ANGPT2: variants seen among roughly 807,000 people sequenced by gnomAD.
ANGPT2 encodes angiopoietin-2.
Under a neutral mutation model 62.9 loss-of-function variants are expected in ANGPT2, and 28 were observed. The observed-to-expected ratio is 0.44, with a 90% CI of 0.33 to 0.61. The LOEUF (loss-of-function observed/expected upper bound fraction) is 0.61, where lower values mean the gene tolerates loss of function less well. Ranked by LOEUF, ANGPT2 falls within the 20% of genes least tolerant of loss-of-function variation. ANGPT2 has a pLI of 0.03. For synonymous variants in ANGPT2, 284 were observed against 207.8 expected, an observed-to-expected ratio of 1.37 and a Z score of -3.15; for missense variants, 727 against 594.9, an observed-to-expected ratio of 1.22 and a Z score of -2.31.
chr8:6,525,264 T>A (rs1381849095), intron 3 of ANGPT2, among the ~76,000 whole-genome samples: 1 of 152,194 alleles, frequency 6.6e-6, no homozygotes, highest in Admixed American at 6.5e-5. Context: ...TGTAAATTAG[T>A]ATGTAATTTT....
At chr8:6,504,920 T>G (rs1287262713) in intron 8 of ANGPT2, among the ~76,000 whole-genome samples, 1 of 152,008 alleles carries the variant, frequency 6.6e-6, no homozygotes, top group Non-Finnish European at 1.5e-5. Context: ...AGGACTGCTG[T>G]AACCTTGATT....
chr8:6,509,476 G>T lies in ANGPT2; in HGVS notation c.1197-414C>A, dbSNP rs187466670. Among the ~76,000 whole-genome samples, 15 of 152,340 alleles carry T rather than the reference G, an allele frequency of 9.8e-5. No homozygotes were observed. In the East Asian group the frequency reaches 1.9e-3, roughly 20 times the overall value. On this transcript the variant is annotated intron_variant, in intron 7 of 8. Coordinates refer to ENST00000629816, the MANE Select transcript of ANGPT2 (RefSeq NM_001118887.2). ...CATTATTTTCCGCAGGGGGCCCCGG[G>T]GGGGATGGAGAATGCAGCAGACAAG...
intron 7 of ANGPT2, among the ~76,000 whole-genome samples, chr8:6,512,614 A>G (rs1815384732): frequency 6.6e-6 from 1 of 152,158 alleles, no homozygotes. Flanking sequence ...TTGCACACAC[A>G]TTTCGGAGTG....
intron 6 of ANGPT2, among the ~76,000 whole-genome samples, 178 bp downstream of exon 6, chr8:6,514,499 T>C (rs987038491): frequency 6.6e-6 from 1 of 152,204 alleles, no homozygotes; most frequent in African/African-American, 2.4e-5. Context: ...GCAGCTTTTG[T>C]TTTGATACAG....
chr8:6,560,974 T>G (rs1480928278), intron 1 of ANGPT2, among the ~76,000 whole-genome samples: 2 of 152,242 alleles, frequency 1.3e-5, no homozygotes. Context: ...TTTACTGCAG[T>G]GCATCTTTCA....
At chr8:6,539,426 C>T (rs765379815) in intron 1 of ANGPT2, among the ~76,000 whole-genome samples, 11 of 152,154 alleles carry the variant, frequency 7.2e-5, no homozygotes, top group Non-Finnish European at 1.6e-4. Context: ...AGCCTGGCCT[C>T]TGGTGCCAAT....
intron 2 of ANGPT2, among the ~76,000 whole-genome samples, chr8:6,531,623 A>G (rs1396706727): frequency 6.6e-6 from 1 of 152,078 alleles, no homozygotes; most frequent in Non-Finnish European, 1.5e-5. Flanking sequence ...TCTTTCTGTT[A>G]TTATTAATCA....
At chr8:6,539,191 G>T (rs73507141) in intron 1 of ANGPT2, among the ~76,000 whole-genome samples, 1 of 152,188 alleles carries the variant, frequency 6.6e-6, no homozygotes, top group Non-Finnish European at 1.5e-5. Flanking sequence ...CAGAGCCTGG[G>T]GGGTAGGCAC....
intron 8 of ANGPT2, among the ~76,000 whole-genome samples, chr8:6,504,662 A>C (rs1439632279): frequency 1.3e-5 from 2 of 152,186 alleles, no homozygotes; most frequent in African/African-American, 2.4e-5. Context: ...TGACTTAATA[A>C]GGAGAGAAAA....
chr8:6,512,253 G>T (rs917330863), intron 7 of ANGPT2, among the ~76,000 whole-genome samples: 2 of 152,112 alleles, frequency 1.3e-5, no homozygotes, highest in African/African-American at 2.4e-5. Flanking sequence ...GTTTTCAGTT[G>T]GTTGTTCAGG....
chr8:6,523,545 A>G (rs1334748617), intron 3 of ANGPT2, among the ~76,000 whole-genome samples: 1 of 152,202 alleles, frequency 6.6e-6, no homozygotes, highest in East Asian at 1.9e-4. Context: ...CCCAGGAACA[A>G]ACTCAAAGAC....
chr8:6,513,593 A>G (rs13278243), intron 7 of ANGPT2, 85 bp downstream of exon 7: 384,240 of 1,149,444 alleles, frequency 0.33, 65,578 homozygotes, highest in Middle Eastern at 0.44. Context: ...TCGGCCTCCC[A>G]AAGTGCTGGG....
intron 3 of ANGPT2, among the ~76,000 whole-genome samples, 164 bp downstream of exon 3, chr8:6,527,391 G>T (rs1818528710): frequency 6.6e-6 from 1 of 152,236 alleles, no homozygotes; most frequent in South Asian, 2.1e-4. Context: ...TGCCTGTGCA[G>T]GAATTTTCTC....
At chr8:6,528,191 C>T (rs1269900997) in intron 2 of ANGPT2, among the ~76,000 whole-genome samples, 1 of 152,206 alleles carries the variant, frequency 6.6e-6, no homozygotes, top group Admixed American at 6.5e-5. Context: ...AGCCACTGCA[C>T]CCGGCCGTTA....
chr8:6,509,024 A>G lies in ANGPT2; in HGVS notation c.1235T>C (p.Ile412Thr), dbSNP rs1814377147. ...LKGLTGTAGK[I>T]SSISQPGNDF... ...ATTTCCTGGTTGGCTGATGCTGCTT[A>G]TTTTGCCGGCTGTCCCTGTAAGTCC... Residue 412 changes from isoleucine (I) to threonine (T), a missense_variant, in exon 8 of 9, where the codon ATA becomes ACA. Ile to Thr is a moderately conservative substitution (Grantham distance 89). Transcript: ENST00000629816. The G allele has an allele frequency of 1.2e-6, 2 of 1,613,974 alleles. No homozygotes were observed. Among genetic ancestry groups the G allele is most frequent in the Non-Finnish European group, 8.5e-7 (1 of 1,180,032 alleles).
At chr8:6,559,440 T>C (rs1438983215) in intron 1 of ANGPT2, among the ~76,000 whole-genome samples, 1 of 152,172 alleles carries the variant, frequency 6.6e-6, no homozygotes, top group Non-Finnish European at 1.5e-5. Context: ...ATTATTACTT[T>C]TAAAGAAAGA....
chr8:6,561,670 CAATT>C (rs1223441057), intron 1 of ANGPT2, among the ~76,000 whole-genome samples: 10 of 152,138 alleles, frequency 6.6e-5, no homozygotes, highest in African/African-American at 1.9e-4. Context: ...TGCTACTTAA[CAATT>C]AATTTATGCA....
chr8:6,542,568 C>T (rs772278118), intron 1 of ANGPT2, among the ~76,000 whole-genome samples: 1 of 151,542 alleles, frequency 6.6e-6, no homozygotes, highest in African/African-American at 2.4e-5. Context: ...CCCGCACTCT[C>T]ATCGCTGTAC....
At chr8:6,539,695 T>A (rs1413993439) in intron 1 of ANGPT2, among the ~76,000 whole-genome samples, 1 of 152,152 alleles carries the variant, frequency 6.6e-6, no homozygotes, top group South Asian at 2.1e-4. Flanking sequence ...CAAACGATTC[T>A]CCCGCCTCAG....
Sources: allele counts gnomAD v4.1 joint callset (sites outside exome capture counted in the v4.1 genomes callset), GRCh38; gene constraint gnomAD v4.1.1; transcripts MANE v1.5; gene names NCBI Gene and HGNC (gene_info 2026-07-23, HGNC 2026-07-21).